Variants in MAP3K5 observed in about 807,000 individuals in gnomAD.
MAP3K5 encodes the protein mitogen-activated protein kinase kinase kinase 5, also known as ASK-1.
MAP3K5 carries 56 observed loss-of-function variants against 158.7 expected under a neutral mutation model. The observed-to-expected ratio is 0.35, with a 90% confidence interval of 0.28 to 0.44. The LOEUF is 0.44. Among genes scored for constraint, MAP3K5 ranks in the 20% least tolerant of loss-of-function variants. The probability of loss-of-function intolerance (pLI) is 1.00; values close to 1 mark genes in which losing one functional copy is unlikely to be tolerated. For missense variants in MAP3K5, 1,294 were observed against 1,674.8 expected (o/e 0.77, Z 3.97); for synonymous variants, 579 against 601.7 (o/e 0.96, Z 0.55).
At chr6:136,652,334 TCAG>T in intron 10 of MAP3K5, among the ~76,000 whole-genome samples, 1 of 152,276 alleles carries the variant, frequency 6.6e-6, no homozygotes, top group East Asian at 1.9e-4. Flanking sequence ...GAATTCTCAG[TCAG>T]TCTCTAGCTG....
chr6:136,744,644 C>T (rs925735892), intron 1 of MAP3K5, among the ~76,000 whole-genome samples: 3 of 151,814 alleles, frequency 2.0e-5, no homozygotes, highest in African/African-American at 7.3e-5. Flanking sequence ...TTGCACACCC[C>T]TCACCAGCAC....
At chr6:136,669,012 C>T (rs1195030351) in intron 8 of MAP3K5, among the ~76,000 whole-genome samples, 1 of 152,112 alleles carries the variant, frequency 6.6e-6, no homozygotes. Flanking sequence ...ATGCAGAACC[C>T]ATATCCTCAA....
chr6:136,669,362 T>C lies in MAP3K5; in HGVS notation c.1287A>G (p.Leu429=). 1.2e-6 allele frequency: 2 copies of C among 1,613,056 alleles called. No homozygotes were observed. The highest frequency in any genetic ancestry group is 2.2e-5 in the East Asian group (1 of 44,862). ...FKKAFESEPT[L]QSGINYAVLL... is the part of the protein sequence containing the mutation. ...GGACCGCATAATTAATTCCTGACTG[T>C]AGTGTTGGCTCAGATTCAAATGCCT... The change falls in exon 8 of 30, where the codon CTA becomes CTG. Residue 429 remains leucine (L), a synonymous_variant. Transcript: ENST00000359015.
At chr6:136,570,131 T>C (rs1050321798) in intron 25 of MAP3K5, among the ~76,000 whole-genome samples, 6 of 152,186 alleles carry the variant, frequency 3.9e-5, no homozygotes, top group Non-Finnish European at 8.8e-5. Context: ...AGCCCGTGTG[T>C]ACAGGAGGGG....
chr6:136,745,143 G>GTTT (rs11302986), intron 1 of MAP3K5, among the ~76,000 whole-genome samples: 1 of 108,066 alleles, frequency 9.3e-6, no homozygotes, highest in African/African-American at 4.0e-5. Context: ...AGTCATTAAA[G>GTTT]TTTTTTTTTT....
At chr6:136,769,775 GGAAGGAAGGAAGGA>G (rs1784109413) in intron 1 of MAP3K5, among the ~76,000 whole-genome samples, 15 of 45,290 alleles carry the variant, frequency 3.3e-4, no homozygotes, top group African/African-American at 1.4e-3. Context: ...AAGGAAGGAA[GGAAGGAAGGAAGGA>G]AGGAAGGGAG....
At chr6:136,750,368 G>A (rs1009623884) in intron 1 of MAP3K5, among the ~76,000 whole-genome samples, 3 of 152,100 alleles carry the variant, frequency 2.0e-5, no homozygotes, top group Non-Finnish European at 2.9e-5. Flanking sequence ...GTGAGCCACC[G>A]CACCCAGCCT....
At chr6:136,588,595 G>A (rs952447004) in intron 23 of MAP3K5, among the ~76,000 whole-genome samples, 1 of 152,182 alleles carries the variant, frequency 6.6e-6, no homozygotes, top group African/African-American at 2.4e-5. Context: ...CCAGCACATA[G>A]TACAGTGCCT....
At chr6:136,594,968 C>T (rs1257815018) in intron 21 of MAP3K5, among the ~76,000 whole-genome samples, 1 of 152,108 alleles carries the variant, frequency 6.6e-6, no homozygotes, top group Non-Finnish European at 1.5e-5. Context: ...GCTGTGACTA[C>T]CGACTGCCTA....
intron 28 of MAP3K5, among the ~76,000 whole-genome samples, chr6:136,560,893 G>A (rs1193593336): frequency 6.6e-6 from 1 of 151,454 alleles, no homozygotes; most frequent in African/African-American, 2.4e-5. Context: ...GCTGCAGGGA[G>A]CTATGATCAC....
chr6:136,601,707 T>A, intron 20 of MAP3K5, 95 bp downstream of exon 20: 1 of 1,070,402 alleles, frequency 9.3e-7, no homozygotes, highest in Non-Finnish European at 1.4e-6. Flanking sequence ...CAGTGATATC[T>A]GTAAACAGGT....
At chr6:136,785,972 T>C (rs954783362) in intron 1 of MAP3K5, among the ~76,000 whole-genome samples, 3 of 152,172 alleles carry the variant, frequency 2.0e-5, no homozygotes, top group African/African-American at 7.2e-5. Flanking sequence ...AAAAGTGTGC[T>C]CCAAGCAAGA....
At chr6:136,638,504 AG>A (rs1428336399) in intron 13 of MAP3K5, among the ~76,000 whole-genome samples, 1 of 152,234 alleles carries the variant, frequency 6.6e-6, no homozygotes, top group Non-Finnish European at 1.5e-5. Flanking sequence ...CCCATCTAAT[AG>A]GGTTTCTTTG....
chr6:136,760,108 T>G (rs1039749088), intron 1 of MAP3K5, among the ~76,000 whole-genome samples: 10 of 152,228 alleles, frequency 6.6e-5, no homozygotes, highest in African/African-American at 2.4e-4. Context: ...CTATTCAATT[T>G]GTTGATTTGT....
At chr6:136,668,632 A>T (rs1779333360) in intron 8 of MAP3K5, among the ~76,000 whole-genome samples, 1 of 152,166 alleles carries the variant, frequency 6.6e-6, no homozygotes, top group South Asian at 2.1e-4. Context: ...AGCCAAAACC[A>T]AGAAAATCAC....
intron 1 of MAP3K5, among the ~76,000 whole-genome samples, chr6:136,778,125 A>G (rs1784470324): frequency 3.3e-5 from 5 of 152,190 alleles, no homozygotes. Flanking sequence ...CTTCTTAATT[A>G]AAGAATCATA....
chr6:136,744,387 A>C (rs1782843449), intron 1 of MAP3K5, among the ~76,000 whole-genome samples: 1 of 151,944 alleles, frequency 6.6e-6, no homozygotes. Flanking sequence ...ATACATATAT[A>C]TATGTATATA....
In MAP3K5 at chr6:136,673,658, G is replaced by A. The variant is rs1268874332; in HGVS notation, c.1254-4263C>T. 6.0e-5 allele frequency among the ~76,000 whole-genome samples: 9 copies of A among 150,848 alleles called. No individual in the cohort carries two copies. The East Asian group carries it at 1.7e-3, about 29-fold the overall frequency. On this transcript the variant is annotated intron_variant, in intron 7 of 29. Transcript: ENST00000359015. ...TCAACAAAGTGGAAAAACAGTTTTG[G>A]TGAACTAAAATGCATGTCAATAGAA...
chr6:136,665,840 T>C (rs1241274226), intron 8 of MAP3K5, among the ~76,000 whole-genome samples: 1 of 152,246 alleles, frequency 6.6e-6, no homozygotes, highest in Non-Finnish European at 1.5e-5. Context: ...TATTGATTCA[T>C]GGATTTTTAT....
Sources: allele counts gnomAD v4.1 joint callset (sites outside exome capture counted in the v4.1 genomes callset), GRCh38; gene constraint gnomAD v4.1.1; transcripts MANE v1.5; gene names NCBI Gene and HGNC (gene_info 2026-07-23, HGNC 2026-07-21).